EYS: variants seen among roughly 807,000 people sequenced by gnomAD.
EYS encodes protein eyes shut homolog.
Under a neutral mutation model 282.1 loss-of-function variants are expected in EYS, and 250 were observed. That is an observed-to-expected ratio of 0.89 (90% CI 0.80 to 0.98). EYS has a LOEUF of 0.98. Ranked by LOEUF, EYS falls within the 50% of genes least tolerant of loss-of-function variation. The pLI is 0.00. For missense variants in EYS, 4,016 were observed against 3,709.0 expected (o/e 1.08, Z -2.15); for synonymous variants, 1,355 against 1,282.9 (o/e 1.06, Z -1.20).
At chr6:63,859,431 C>T (rs184112620) in intron 36 of EYS, among the ~76,000 whole-genome samples, 1 of 152,092 alleles carries the variant, frequency 6.6e-6, no homozygotes, top group East Asian at 1.9e-4. Flanking sequence ...TAGGTAGTTA[C>T]ACTGCTTTCC....
In EYS at chr6:64,923,421, T is replaced by G. The variant is rs180715491; in HGVS notation, c.2382-10678A>C. On this transcript the variant is annotated intron_variant, in intron 15 of 42. Transcript: ENST00000503581. ...GAATTCTGGGATATACAATTCAAGT[T>G]GAGATTTGGATGGGGATATAGTCAA... 2.4e-3 allele frequency among the ~76,000 whole-genome samples: 359 copies of G among 152,292 alleles called. 1 individual carries two copies. Among genetic ancestry groups the G allele is most frequent in the African/African-American group, 8.3e-3 (344 of 41,560 alleles).
At chr6:65,174,442 C>T (rs962135749) in intron 12 of EYS, among the ~76,000 whole-genome samples, 3 of 151,300 alleles carry the variant, frequency 2.0e-5, no homozygotes, top group Non-Finnish European at 3.0e-5. Flanking sequence ...TAGACTTTAA[C>T]ATTCTACAAA....
intron 12 of EYS, among the ~76,000 whole-genome samples, chr6:65,211,435 A>G (rs1766174149): frequency 6.6e-6 from 1 of 152,188 alleles, no homozygotes. Context: ...ATACTGTTAG[A>G]AAAAATTTTG....
intron 4 of EYS, among the ~76,000 whole-genome samples, 182 bp downstream of exon 4, chr6:65,494,481 C>G (rs1335024403): frequency 6.6e-6 from 1 of 151,770 alleles, no homozygotes; most frequent in African/African-American, 2.4e-5. Flanking sequence ...CGGGGTTTCA[C>G]CGTGTTAGCC....
intron 22 of EYS, among the ~76,000 whole-genome samples, chr6:64,766,718 T>G (rs1455579844): frequency 7.6e-6 from 1 of 131,978 alleles, no homozygotes; most frequent in Non-Finnish European, 1.6e-5. Flanking sequence ...GCCCTTCCAC[T>G]GAGAAACAAA....
intron 19 of EYS, among the ~76,000 whole-genome samples, chr6:64,865,215 C>A (rs1766391248): frequency 6.6e-6 from 1 of 151,700 alleles, no homozygotes; most frequent in Admixed American, 6.6e-5. Flanking sequence ...CAAATAAATA[C>A]CAAGGTGTGG....
chr6:65,646,279 A>C (rs1355509468), intron 1 of EYS, among the ~76,000 whole-genome samples: 1 of 152,152 alleles, frequency 6.6e-6, no homozygotes, highest in African/African-American at 2.4e-5. Flanking sequence ...CACAAGGACA[A>C]AATACTAGCT....
At position 64,593,285 on chromosome 6, in the gene EYS, C is replaced by T. The variant is rs1383398602; in HGVS notation, c.3709G>A (p.Gly1237Ser). The change falls in exon 25 of 43, where the codon GGT becomes AGT. Residue 1237 changes from glycine (G) to serine (S), a missense_variant. By Grantham distance (56) the Gly-to-Ser change is moderately conservative. Coordinates refer to ENST00000503581, the MANE Select transcript of EYS (RefSeq NM_001142800.2). ...CAGGTAATTCTCCTTATTTCATCAC[C>T]ACAAAGAAGCCCAATGGAGCAGGTC... Reference protein sequence around the residue: ...FMTCSIGLLCGDEIRRITCLT... With the variant: ...FMTCSIGLLCSDEIRRITCLT... The T allele has an allele frequency of 2.6e-6, 4 of 1,550,006 alleles. No individual in the cohort carries two copies. The South Asian group carries it at 4.8e-5, about 18-fold the overall frequency.
chr6:63,814,615 T>C (rs1460251258), intron 36 of EYS, among the ~76,000 whole-genome samples: 1 of 152,142 alleles, frequency 6.6e-6, no homozygotes, highest in Non-Finnish European at 1.5e-5. Context: ...GCAAAAGAAA[T>C]AATACATGCT....
chr6:64,721,052 C>A (rs920584106), intron 22 of EYS, among the ~76,000 whole-genome samples: 3 of 152,052 alleles, frequency 2.0e-5, no homozygotes, highest in Admixed American at 6.6e-5. Flanking sequence ...CACTTTTATT[C>A]TACAACTAAT....
intron 19 of EYS, among the ~76,000 whole-genome samples, chr6:64,831,304 A>T (rs1765206771): frequency 6.6e-6 from 1 of 152,040 alleles, no homozygotes; most frequent in South Asian, 2.1e-4. Flanking sequence ...GTATATCATT[A>T]ATAAAAATAT....
chr6:64,296,732 G>A (rs918405037), intron 30 of EYS, among the ~76,000 whole-genome samples: 5 of 150,272 alleles, frequency 3.3e-5, no homozygotes, highest in Non-Finnish European at 7.4e-5. Flanking sequence ...TCAGCCTCCC[G>A]AGTAGCTGGG....
intron 1 of EYS, among the ~76,000 whole-genome samples, chr6:65,668,560 T>C (rs1768276598): frequency 6.6e-6 from 1 of 151,910 alleles, no homozygotes; most frequent in Non-Finnish European, 1.5e-5. Context: ...ATATGTATTA[T>C]CTGCCCTTTA....
intron 5 of EYS, among the ~76,000 whole-genome samples, chr6:65,488,020 A>C (rs887452710): frequency 9.2e-5 from 14 of 152,022 alleles, no homozygotes; most frequent in African/African-American, 3.1e-4. Context: ...CGATGGTGAT[A>C]TCCCCTTTAT....
intron 12 of EYS, among the ~76,000 whole-genome samples, chr6:65,193,938 G>A (rs1009635008): frequency 6.6e-6 from 1 of 151,722 alleles, no homozygotes; most frequent in African/African-American, 2.4e-5. Context: ...TAACTTCTTG[G>A]TAAACCAAGG....
chr6:63,830,977 G>T (rs1383538015), intron 36 of EYS, among the ~76,000 whole-genome samples: 5 of 152,186 alleles, frequency 3.3e-5, no homozygotes, highest in Non-Finnish European at 7.3e-5. Context: ...AGCTTCATAA[G>T]TGAAGGAGAA....
intron 30 of EYS, among the ~76,000 whole-genome samples, chr6:64,294,169 A>C (rs141532497): frequency 1.3e-5 from 2 of 152,190 alleles, no homozygotes; most frequent in African/African-American, 4.8e-5. Context: ...TGATTCAAGC[A>C]AACATAAAAC....
intron 8 of EYS, among the ~76,000 whole-genome samples, chr6:65,383,852 T>A (rs1194299279): frequency 2.6e-5 from 4 of 151,950 alleles, no homozygotes; most frequent in Non-Finnish European, 5.9e-5. Flanking sequence ...TTACCAGGTT[T>A]AGTTTCAGAT....
At chr6:64,236,928 T>C (rs1485614133) in intron 30 of EYS, among the ~76,000 whole-genome samples, 1 of 152,034 alleles carries the variant, frequency 6.6e-6, no homozygotes, top group Non-Finnish European at 1.5e-5. Context: ...CAAACATTCT[T>C]TTTTCTTTGT....
Sources: allele counts gnomAD v4.1 joint callset (sites outside exome capture counted in the v4.1 genomes callset), GRCh38; gene constraint gnomAD v4.1.1; transcripts MANE v1.5; gene names NCBI Gene and HGNC (gene_info 2026-07-23, HGNC 2026-07-21).